NEDD4L: variants seen among roughly 807,000 people sequenced by gnomAD.
The protein encoded by NEDD4L is E3 ubiquitin-protein ligase NEDD4-like.
Under a neutral mutation model 148.9 loss-of-function variants are expected in NEDD4L, and 54 were observed. That is an observed-to-expected ratio of 0.36 (90% CI 0.29 to 0.45). The LOEUF is 0.45. Among genes scored for constraint, NEDD4L ranks in the 20% least tolerant of loss-of-function variants. The probability of loss-of-function intolerance (pLI) is 1.00; values close to 1 mark genes in which losing one functional copy is unlikely to be tolerated. For missense variants in NEDD4L, 856 were observed against 1,233.8 expected (o/e 0.69, Z 4.59); for synonymous variants, 433 against 440.7 (o/e 0.98, Z 0.22).
At chr18:58,361,737 A>G (rs1278412724) in intron 19 of NEDD4L, among the ~76,000 whole-genome samples, 1 of 152,224 alleles carries the variant, frequency 6.6e-6, no homozygotes, top group Non-Finnish European at 1.5e-5. Context: ...CTGTACCCAA[A>G]ACAGGAACAC....
chr18:58,301,757 G>C (rs189641460), intron 5 of NEDD4L, among the ~76,000 whole-genome samples: 207 of 152,266 alleles, frequency 1.4e-3, no homozygotes, highest in Non-Finnish European at 2.5e-3. Flanking sequence ...TGCAGCCTTA[G>C]TTCTAGCCAT....
At chr18:58,091,668 T>C (rs914152373) in intron 1 of NEDD4L, 1 of 152,230 alleles carries the variant, frequency 6.6e-6, no homozygotes, top group African/African-American at 2.4e-5. Flanking sequence ...ATGAGGCATT[T>C]GATTCTCAAA....
chr18:58,189,428 A>G (rs149404240), intron 2 of NEDD4L, among the ~76,000 whole-genome samples: 49 of 152,310 alleles, frequency 3.2e-4, no homozygotes, highest in African/African-American at 1.2e-3. Context: ...ATAAATGGCT[A>G]TGTTTTAAAA....
At position 58,149,691 on chromosome 18, in the gene NEDD4L, CT is replaced by C. The variant is rs1404575689; in HGVS notation, c.49-16094del. 4 of 702,110 alleles carry C rather than the reference CT, an allele frequency of 5.7e-6. No homozygotes were observed. The African/African-American group carries it at 7.1e-5, about 13-fold the overall frequency. 43.5% of individuals were successfully genotyped at this position (702,110 alleles called of 1,614,324 possible). Reference sequence around the variant, plus strand: ...CAAGATGCTGGAGCTGTTAATTCATCTTTAACATAATTGACCTGATTACTTC... The same window carrying C: ...CAAGATGCTGGAGCTGTTAATTCATCTTAACATAATTGACCTGATTACTTC... On this transcript the variant is annotated intron_variant, in intron 1 of 30. Transcript: ENST00000400345.
chr18:58,081,277 G>A (rs1303233936), intron 1 of NEDD4L, among the ~76,000 whole-genome samples: 1 of 144,562 alleles, frequency 6.9e-6, no homozygotes, highest in Admixed American at 7.1e-5. Flanking sequence ...GTGCAGTGGC[G>A]CGATCTCGGC....
intron 1 of NEDD4L, among the ~76,000 whole-genome samples, chr18:58,121,985 AG>A (rs2029996244): frequency 6.6e-6 from 1 of 152,188 alleles, no homozygotes; most frequent in Non-Finnish European, 1.5e-5. Flanking sequence ...AAAATAAACT[AG>A]GTTTTTGAAC....
intron 16 of NEDD4L, among the ~76,000 whole-genome samples, chr18:58,344,944 C>T (rs1234541538): frequency 1.3e-5 from 2 of 152,162 alleles, no homozygotes; most frequent in African/African-American, 4.8e-5. Context: ...AATCAAATCC[C>T]CTAACCTTTT....
chr18:58,099,437 T>A (rs893661041), intron 1 of NEDD4L, among the ~76,000 whole-genome samples: 1 of 152,220 alleles, frequency 6.6e-6, no homozygotes, highest in Non-Finnish European at 1.5e-5. Flanking sequence ...AATACTAAAC[T>A]ATTTTTTAAT....
chr18:58,081,493 G>A (rs533344110), intron 1 of NEDD4L, among the ~76,000 whole-genome samples: 2 of 152,072 alleles, frequency 1.3e-5, no homozygotes, highest in South Asian at 2.1e-4. Context: ...ACGATTACAG[G>A]TGTGAGCCAC....
chr18:58,233,919 G>T (rs1005593930), intron 2 of NEDD4L, among the ~76,000 whole-genome samples: 1 of 148,916 alleles, frequency 6.7e-6, no homozygotes, highest in Non-Finnish European at 1.5e-5. Flanking sequence ...CAATCTTCTC[G>T]TTGTATCTTC....
chr18:58,327,019 T>C (rs959393415), intron 9 of NEDD4L, among the ~76,000 whole-genome samples: 4 of 152,308 alleles, frequency 2.6e-5, no homozygotes, highest in Middle Eastern at 6.8e-3. Flanking sequence ...AGAGAAACCA[T>C]CTTTGGTGGC....
At chr18:58,165,685 C>T (rs1046238337) in intron 1 of NEDD4L, 103 bp from the exon 2 acceptor site, 3 of 1,513,842 alleles carry the variant, frequency 2.0e-6, no homozygotes, top group Admixed American at 3.8e-5. Flanking sequence ...GTTCTGTATC[C>T]CAATACTGGA....
intron 5 of NEDD4L, among the ~76,000 whole-genome samples, chr18:58,254,265 C>T (rs1446541762): frequency 3.9e-5 from 6 of 152,096 alleles, no homozygotes; most frequent in African/African-American, 1.4e-4. Flanking sequence ...GTATTTTCCC[C>T]TCCTATTTTT....
chr18:58,379,108 G>A (rs2047980861), intron 24 of NEDD4L, among the ~76,000 whole-genome samples: 1 of 152,214 alleles, frequency 6.6e-6, no homozygotes, highest in South Asian at 2.1e-4. Flanking sequence ...GCCCTGGGAG[G>A]GCGGGGTGTG....
intron 5 of NEDD4L, among the ~76,000 whole-genome samples, chr18:58,276,699 A>G (rs2052099405): frequency 6.7e-6 from 1 of 149,592 alleles, no homozygotes; most frequent in African/African-American, 2.4e-5. Flanking sequence ...TAATAATATT[A>G]TTATTATTAT....
intron 2 of NEDD4L, among the ~76,000 whole-genome samples, chr18:58,226,627 G>A (rs1568426004): frequency 6.6e-6 from 1 of 152,204 alleles, no homozygotes; most frequent in Non-Finnish European, 1.5e-5. Context: ...GAGTTCCTGT[G>A]TTGTGCCTGG....
chr18:58,363,650 C>T (rs1035230673), intron 19 of NEDD4L, among the ~76,000 whole-genome samples: 5 of 152,176 alleles, frequency 3.3e-5, no homozygotes, highest in Non-Finnish European at 7.3e-5. Context: ...GGGGTACTAT[C>T]ACTCTATTTC....
At chr18:58,351,800 A>G (rs2043926109) in intron 18 of NEDD4L, among the ~76,000 whole-genome samples, 1 of 152,188 alleles carries the variant, frequency 6.6e-6, no homozygotes, top group African/African-American at 2.4e-5. Context: ...ATTTGGTAGT[A>G]TCTTGGTCTT....
At chr18:58,083,685 C>G (rs889170358) in intron 1 of NEDD4L, among the ~76,000 whole-genome samples, 1 of 51,144 alleles carries the variant, frequency 2.0e-5, no homozygotes, top group African/African-American at 1.0e-4. Context: ...GAGACTCCAT[C>G]TCAAAAAACA....
Sources: allele counts gnomAD v4.1 joint callset (sites outside exome capture counted in the v4.1 genomes callset), GRCh38; gene constraint gnomAD v4.1.1; transcripts MANE v1.5; gene names NCBI Gene and HGNC (gene_info 2026-07-23, HGNC 2026-07-21).